Variants in ZNF385B observed in about 807,000 individuals in gnomAD.
ZNF385B encodes the protein zinc finger protein 385B, also known as zinc finger protein 533.
In ZNF385B, 23 loss-of-function variants were observed where a neutral mutation model predicts 39.2. The observed-to-expected ratio is 0.59, with a 90% CI of 0.42 to 0.83. The LOEUF (loss-of-function observed/expected upper bound fraction) is 0.83. Among genes scored for constraint, ZNF385B ranks in the 40% least tolerant of loss-of-function variants. ZNF385B has a pLI of 0.00. For synonymous variants in ZNF385B, 205 were observed against 222.6 expected, an observed-to-expected ratio of 0.92 and a Z score of 0.70; for missense variants, 552 against 598.9, an observed-to-expected ratio of 0.92 and a Z score of 0.82.
chr2:179,728,155 A>G (rs1701142560), intron 3 of ZNF385B, among the ~76,000 whole-genome samples: 1 of 152,130 alleles, frequency 6.6e-6, no homozygotes, highest in Admixed American at 6.6e-5. Flanking sequence ...AACCCTCTGA[A>G]TGTAGTTATC....
At chr2:179,617,216 C>T (rs745487493) in intron 3 of ZNF385B, among the ~76,000 whole-genome samples, 1 of 152,072 alleles carries the variant, frequency 6.6e-6, no homozygotes, top group Non-Finnish European at 1.5e-5. Flanking sequence ...TCTGAGTCTC[C>T]GGTTAATAAT....
intron 1 of ZNF385B, among the ~76,000 whole-genome samples, chr2:179,785,620 G>A (rs910679071): frequency 2.6e-5 from 4 of 152,138 alleles, no homozygotes; most frequent in Non-Finnish European, 5.9e-5. Context: ...CACTTAAGTG[G>A]AGGAAGTAAC....
At chr2:179,521,353 G>GTTTTTTTTT (rs56392185) in intron 4 of ZNF385B, among the ~76,000 whole-genome samples, 23 of 108,168 alleles carry the variant, frequency 2.1e-4, no homozygotes, top group South Asian at 3.6e-4. Flanking sequence ...CACCTGGCCA[G>GTTTTTTTTT]TTTTTTTTTT....
intron 3 of ZNF385B, among the ~76,000 whole-genome samples, chr2:179,689,322 T>C (rs886508691): frequency 1.4e-4 from 21 of 152,286 alleles, no homozygotes; most frequent in African/African-American, 5.1e-4. Flanking sequence ...AGGGGGCTCC[T>C]AGTGAGAACT....
intron 1 of ZNF385B, among the ~76,000 whole-genome samples, chr2:179,820,517 G>A (rs1335505011): frequency 6.6e-6 from 1 of 151,760 alleles, no homozygotes; most frequent in East Asian, 1.9e-4. Context: ...ACTCTTATCT[G>A]CCTAAGTTCT....
At chr2:179,827,187 C>T (rs530287531) in intron 1 of ZNF385B, among the ~76,000 whole-genome samples, 27 of 152,256 alleles carry the variant, frequency 1.8e-4, no homozygotes, top group African/African-American at 5.5e-4. Flanking sequence ...GAAGGAGCAG[C>T]TAGAGCAAAG....
chr2:179,732,087 G>T (rs1218420150), intron 3 of ZNF385B, among the ~76,000 whole-genome samples: 1 of 152,192 alleles, frequency 6.6e-6, no homozygotes, highest in Non-Finnish European at 1.5e-5. Context: ...TGAGGTTATA[G>T]TCTCTGAACC....
At chr2:179,444,300 CTATCCATCTTGGTATT>C (rs2049252082) in intron 9 of ZNF385B, among the ~76,000 whole-genome samples, 1 of 152,198 alleles carries the variant, frequency 6.6e-6, no homozygotes, top group Non-Finnish European at 1.5e-5. Context: ...ATTGTGAAAT[CTATCCATCTTGGTATT>C]TATATGACAC....
chr2:179,563,918 C>T lies in ZNF385B; in HGVS notation c.299-18949G>A, dbSNP rs115364760. 7.8e-3 allele frequency among the ~76,000 whole-genome samples: 1,186 copies of T among 152,114 alleles called. 15 individuals carry two copies. Among genetic ancestry groups the T allele is most frequent in the African/African-American group, 0.027 (1,113 of 41,492 alleles). ...GAAGAAGTGTTTCATTCTTTCTTAC[C>T]TGCTGTTGAATCATGACTGATTCTT... is the stretch of plus-strand genomic sequence containing the variant. On this transcript the variant is annotated intron_variant, in intron 3 of 9. Coordinates refer to ENST00000410066, the MANE Select transcript of ZNF385B (RefSeq NM_152520.6).
chr2:179,532,250 A>T (rs1003589336), intron 4 of ZNF385B, among the ~76,000 whole-genome samples: 1 of 152,256 alleles, frequency 6.6e-6, no homozygotes, highest in African/African-American at 2.4e-5. Flanking sequence ...TTCATTTACC[A>T]AATTTATTTC....
chr2:179,714,961 A>AAAC (rs1553516033), intron 3 of ZNF385B, among the ~76,000 whole-genome samples: 10 of 150,732 alleles, frequency 6.6e-5, no homozygotes, highest in African/African-American at 1.2e-4. Flanking sequence ...AAAAAAAAAA[A>AAAC]CAGTTTCCTG....
At chr2:179,458,638 A>T (rs1239155424) in intron 6 of ZNF385B, among the ~76,000 whole-genome samples, 1 of 152,158 alleles carries the variant, frequency 6.6e-6, no homozygotes, top group Non-Finnish European at 1.5e-5. Context: ...TATATCTATT[A>T]AAAAAACCTC....
intron 1 of ZNF385B, among the ~76,000 whole-genome samples, chr2:179,821,242 T>C (rs2106582464): frequency 6.6e-6 from 1 of 152,260 alleles, no homozygotes; most frequent in South Asian, 2.1e-4. Flanking sequence ...ACTTCTTAAG[T>C]AGTCATCATA....
intron 3 of ZNF385B, among the ~76,000 whole-genome samples, chr2:179,646,970 G>C (rs2106236374): frequency 6.6e-6 from 1 of 152,252 alleles, no homozygotes; most frequent in East Asian, 1.9e-4. Flanking sequence ...ATTACTTTTT[G>C]TTATCAGTGT....
intron 1 of ZNF385B, among the ~76,000 whole-genome samples, chr2:179,851,693 A>G (rs1263551760): frequency 6.6e-6 from 1 of 152,216 alleles, no homozygotes; most frequent in Non-Finnish European, 1.5e-5. Flanking sequence ...AAGATGCTTC[A>G]AAATTTTTAA....
At chr2:179,493,126 T>C (rs2105661783) in intron 5 of ZNF385B, among the ~76,000 whole-genome samples, 1 of 152,240 alleles carries the variant, frequency 6.6e-6, no homozygotes. Flanking sequence ...TCACCAATAA[T>C]AGTCATAACA....
intron 3 of ZNF385B, among the ~76,000 whole-genome samples, chr2:179,628,146 T>C (rs1376258286): frequency 1.3e-5 from 2 of 152,156 alleles, no homozygotes; most frequent in Admixed American, 6.6e-5. Flanking sequence ...ATTTTAACCA[T>C]TATCACAATA....
chr2:179,667,941 C>G (rs1318275776), intron 3 of ZNF385B, among the ~76,000 whole-genome samples: 1 of 152,200 alleles, frequency 6.6e-6, no homozygotes, highest in African/African-American at 2.4e-5. Flanking sequence ...ACCTCCTCCT[C>G]CTTAAGTTGG....
At chr2:179,710,969 G>A (rs930001090) in intron 3 of ZNF385B, among the ~76,000 whole-genome samples, 1 of 152,118 alleles carries the variant, frequency 6.6e-6, no homozygotes, top group Non-Finnish European at 1.5e-5. Context: ...TCAACAAGAT[G>A]AGACAACATA....
Sources: gnomAD v4.1 joint callset for allele counts (sites outside exome capture counted in the v4.1 genomes callset) on GRCh38, gnomAD v4.1.1 for gene constraint, MANE v1.5 for transcripts, NCBI Gene and HGNC (gene_info 2026-07-23, HGNC 2026-07-21) for gene names.